The following ZNF462 variants were observed in gnomAD, a reference collection of about 807,000 sequenced individuals.
ZNF462 encodes the protein zinc finger protein 462, also known as zinc finger PBX1-interacting protein.
ZNF462 carries 10 observed loss-of-function variants against 201.9 expected under a neutral mutation model. The ratio of observed to expected loss-of-function variants is 0.05; its 90% CI spans 0.03 to 0.08. The LOEUF is 0.08. ZNF462 is among the 10% of genes least tolerant of loss of function. ZNF462 has a pLI of 1.00. For missense variants in ZNF462, 2,523 were observed against 3,168.3 expected, an observed-to-expected ratio of 0.80 and a Z score of 4.89; for synonymous variants, 1,227 against 1,193.3, an observed-to-expected ratio of 1.03 and a Z score of -0.58.
In ZNF462 at chr9:106,925,683, C is replaced by T; in HGVS notation, c.1771C>T (p.Pro591Ser). 1 of 1,614,146 alleles carries T rather than the reference C, an allele frequency of 6.2e-7. No homozygotes were observed. Among genetic ancestry groups the T allele is most frequent in the South Asian group, 1.1e-5 (1 of 91,076 alleles). The change falls in exon 3 of 13, where the codon CCC becomes TCC. Residue 591 changes from proline to serine, a missense_variant. Around this residue, in one of 15 missense-constraint regions of ZNF462, gnomAD observed 383 missense variants for 453.4 expected, o/e 0.84. Transcript: ENST00000277225. The surrounding 1 kb of genome is among the most constrained non-coding windows in gnomAD (Gnocchi z 7.9). ...ACCACCAACGCAGCAGCCACAGCCA[C>T]CCACACAAGCCGCACCTCTGCACCC... ...QPPPTQQPQP[P>S]TQAAPLHPYK...
In ZNF462 at chr9:107,012,439, C is replaced by CTTTTTTTTTTTTTTT. The variant is rs962253808; in HGVS notation, c.*1420_*1434dup. On this transcript the variant is annotated 3_prime_UTR_variant, in exon 13 of 13. Coordinates refer to ENST00000277225, the MANE Select transcript of ZNF462 (RefSeq NM_021224.6). Reference sequence around the variant, plus strand: ...GCCTGGAGAACTACTTTCTTTCTTTCTTTTTTTTTTTTTTTTTTTTTTTTT... The same window carrying CTTTTTTTTTTTTTTT: ...GCCTGGAGAACTACTTTCTTTCTTTCTTTTTTTTTTTTTTTTTTTTTTTTTTTTTTTTTTTTTTTT... 1.2e-5 allele frequency: 1 copy of CTTTTTTTTTTTTTTT among 86,312 alleles called. No homozygotes were observed. Among genetic ancestry groups the CTTTTTTTTTTTTTTT allele is most frequent in the African/African-American group, 4.3e-5 (1 of 23,494 alleles). 5.3% of individuals were successfully genotyped at this position (86,312 alleles called of 1,614,324 possible).
intron 1 of ZNF462, among the ~76,000 whole-genome samples, chr9:106,910,362 G>GTTTTTTTTT (rs1011376719): frequency 1.1e-4 from 7 of 64,782 alleles, no homozygotes; most frequent in African/African-American, 2.5e-4. Flanking sequence ...CCTTGTTTTA[G>GTTTTTTTTT]TTTTTTTTTT....
intron 1 of ZNF462, among the ~76,000 whole-genome samples, chr9:106,874,657 G>A (rs561181011): frequency 7.9e-5 from 12 of 152,290 alleles, no homozygotes; most frequent in South Asian, 4.1e-4. Flanking sequence ...AAAATAGCAC[G>A]TATTTAAGGA....
At chr9:106,965,616 A>G (rs1832038430) in intron 7 of ZNF462, among the ~76,000 whole-genome samples, 1 of 151,280 alleles carries the variant, frequency 6.6e-6, no homozygotes, top group Non-Finnish European at 1.5e-5. Context: ...GCTCAAACAA[A>G]GTGGTGGGCC....
rs941264645 is a variant in ZNF462, at chr9:106,974,054, A to G, written c.6696-83A>G. 2.9e-5 allele frequency: 46 copies of G among 1,574,312 alleles called. No individual in the cohort carries two copies. Among genetic ancestry groups the G allele is most frequent in the African/African-American group, 2.8e-4 (21 of 74,004 alleles). Reference sequence around the variant, plus strand: ...GCAGGAGAGCCGCACTTGGACATATATAACGGGTTTGCCAGCAGGAAATGT... The same window carrying G: ...GCAGGAGAGCCGCACTTGGACATATGTAACGGGTTTGCCAGCAGGAAATGT... On this transcript the variant is annotated intron_variant, in intron 8 of 12. Transcript: ENST00000277225. This position sits in a 1 kb window ranked among gnomAD's most constrained non-coding sequence, Gnocchi z 4.0.
intron 1 of ZNF462, among the ~76,000 whole-genome samples, chr9:106,896,255 C>T (rs757372826): frequency 6.6e-6 from 1 of 152,170 alleles, no homozygotes; most frequent in Non-Finnish European, 1.5e-5. Context: ...ACGTAGTAGG[C>T]ACTCAAATGT....
In ZNF462 at chr9:106,926,981, G is replaced by A; in HGVS notation, c.3069G>A (p.Leu1023=). The A allele has an allele frequency of 1.2e-6, 2 of 1,614,162 alleles. No individual in the cohort carries two copies. Among genetic ancestry groups the A allele is most frequent in the Non-Finnish European group, 1.7e-6 (2 of 1,180,034 alleles). The change falls in exon 3 of 13, where the codon TTG becomes TTA. Residue 1023 remains leucine (L), a synonymous_variant. Transcript: ENST00000277225. The surrounding 1 kb of genome is among the most constrained non-coding windows in gnomAD (Gnocchi z 7.9). ...TPECENQKDP[L]VNTVVVYDCD... ...AATGTGAAAATCAGAAGGACCCTTT[G>A]GTCAACACTGTTGTTGTTTATGATT...
intron 7 of ZNF462, among the ~76,000 whole-genome samples, chr9:106,939,577 G>A (rs2131622987): frequency 6.6e-6 from 1 of 152,206 alleles, no homozygotes; most frequent in East Asian, 1.9e-4. Flanking sequence ...GTCTGACTGA[G>A]CCACGTGATA....
Position 106,920,087 on chromosome 9 carries a change from C to G in ZNF462, c.-30-3267C>G, listed in dbSNP as rs193014436. Among the ~76,000 whole-genome samples, 2 of 151,492 alleles carry G rather than the reference C, an allele frequency of 1.3e-5. No homozygotes were observed. The highest frequency in any genetic ancestry group is 6.6e-5 in the Admixed American group (1 of 15,244). Reference sequence around the variant, plus strand: ...AGCAGATCAGTGACTAGGTTAGCCTCTTAGGGTTGCTGCTCTTCGGGATTG... The same window carrying G: ...AGCAGATCAGTGACTAGGTTAGCCTGTTAGGGTTGCTGCTCTTCGGGATTG... On this transcript the variant is annotated intron_variant, in intron 1 of 12. Coordinates refer to ENST00000277225, the MANE Select transcript of ZNF462 (RefSeq NM_021224.6). The surrounding 1 kb of genome is among the most constrained non-coding windows in gnomAD (Gnocchi z 4.3).
chr9:106,955,361 T>TA (rs942071822), intron 7 of ZNF462, among the ~76,000 whole-genome samples: 1 of 152,158 alleles, frequency 6.6e-6, no homozygotes, highest in African/African-American at 2.4e-5. Context: ...GCATTATGTC[T>TA]AAAAAATGTA....
chr9:106,922,884 A>G (rs572094831), intron 1 of ZNF462, among the ~76,000 whole-genome samples: 1 of 152,314 alleles, frequency 6.6e-6, no homozygotes, highest in African/African-American at 2.4e-5. Context: ...GTGATAAAAC[A>G]CCAAGGTCAT....
Position 106,972,349 on chromosome 9 carries a change from A to T in ZNF462, c.6695+77A>T. On this transcript the variant is annotated intron_variant, in intron 8 of 12. Transcript: ENST00000277225. The surrounding 1 kb of genome is among the most constrained non-coding windows in gnomAD (Gnocchi z 4.8). ...ACCCCTCACTGCAGGCTTCCCTTACACTTTCCTACTTGGAGCTTATGGGAG... is the reference window on the plus strand; with the variant it reads ...ACCCCTCACTGCAGGCTTCCCTTACTCTTTCCTACTTGGAGCTTATGGGAG... The T allele has an allele frequency of 6.5e-7, 1 of 1,539,840 alleles. No individual in the cohort carries two copies. The highest frequency in any genetic ancestry group is 8.7e-7 in the Non-Finnish European group (1 of 1,143,882).
chr9:106,911,908 A>G (rs1309053769), intron 1 of ZNF462, among the ~76,000 whole-genome samples: 1 of 152,232 alleles, frequency 6.6e-6, no homozygotes, highest in African/African-American at 2.4e-5. Context: ...AAATTAATAT[A>G]TTAGTAAAGA....
In ZNF462 at chr9:106,983,388, C is replaced by T. The variant is rs142779888; in HGVS notation, c.6833-798C>T. 2.0e-3 allele frequency among the ~76,000 whole-genome samples: 298 copies of T among 152,270 alleles called. 4 individuals carry two copies. The highest frequency in any genetic ancestry group is 0.015 in the Admixed American group (234 of 15,292). ...CCCCACCTCCCCCGATTGTTGCCTG[C>T]AGTCATTTCATTTGTGAGCTCTTCA... On this transcript the variant is annotated intron_variant, in intron 9 of 12. Coordinates refer to ENST00000277225, the MANE Select transcript of ZNF462 (RefSeq NM_021224.6).
chr9:106,867,150 T>C (rs149916490), intron 1 of ZNF462, among the ~76,000 whole-genome samples: 2,416 of 152,318 alleles, frequency 0.016, 24 homozygotes, highest in Non-Finnish European at 0.024. Context: ...CACATCCATC[T>C]CTGATGCCCT....
Position 106,968,917 on chromosome 9 carries a change from C to T in ZNF462, c.6428-3088C>T, listed in dbSNP as rs1393660175. Among the ~76,000 whole-genome samples the T allele has an allele frequency of 3.9e-5, 6 of 152,168 alleles. No individual in the cohort carries two copies. Among genetic ancestry groups the T allele is most frequent in the African/African-American group, 1.4e-4 (6 of 41,440 alleles). The stretch of plus-strand genomic sequence containing the variant: ...TCTAACCTGGGCACAGAACGACCTC[C>T]TTCCTGCTCTTCAGGCCATGCTTCA... On this transcript the variant is annotated intron_variant, in intron 7 of 12. Transcript: ENST00000277225. The surrounding 1 kb of genome is among the most constrained non-coding windows in gnomAD (Gnocchi z 4.0).
In ZNF462 at chr9:106,928,358, G is replaced by C; in HGVS notation, c.4446G>C (p.Leu1482Phe). 1 of 1,614,140 alleles carries C rather than the reference G, an allele frequency of 6.2e-7. No individual in the cohort carries two copies. Among genetic ancestry groups the C allele is most frequent in the Non-Finnish European group, 8.5e-7 (1 of 1,180,038 alleles). Residue 1482 changes from leucine to phenylalanine, a missense_variant, in exon 3 of 13, where the codon TTG becomes TTC. By Grantham distance (22) the Leu-to-Phe change is conservative. Coordinates refer to ENST00000277225, the MANE Select transcript of ZNF462 (RefSeq NM_021224.6). This position sits in a 1 kb window ranked among gnomAD's most constrained non-coding sequence, Gnocchi z 9.3. Reference protein sequence around the residue: ...CTVCQSEYNNLHGLLTHYGKK... With the variant: ...CTVCQSEYNNFHGLLTHYGKK... The stretch of plus-strand genomic sequence containing the variant: ...TATGCCAATCTGAGTATAACAACTT[G>C]CACGGCCTTCTCACTCATTATGGGA...
In ZNF462 at chr9:106,978,923, C is replaced by T; in HGVS notation, c.6832+4650C>T. ...TATAATTGGTCCTGATGGCTTCTACCAGCTTAGCCAAAGCGCCTTTGTCTT... is the reference window on the plus strand; with the variant it reads ...TATAATTGGTCCTGATGGCTTCTACTAGCTTAGCCAAAGCGCCTTTGTCTT... On this transcript the variant is annotated intron_variant, in intron 9 of 12. Transcript: ENST00000277225. The surrounding 1 kb of genome is among the most constrained non-coding windows in gnomAD (Gnocchi z 4.1). 1 of 321,610 alleles carries T rather than the reference C, an allele frequency of 3.1e-6. No individual in the cohort carries two copies. The highest frequency in any genetic ancestry group is 6.0e-6 in the Non-Finnish European group (1 of 166,916). The allele number at this position is 321,610 out of a possible 1,614,324, so 19.9% of individuals were successfully genotyped here.
intron 4 of ZNF462, among the ~76,000 whole-genome samples, chr9:106,931,291 GCCACC>G (rs1564113068): frequency 6.6e-6 from 1 of 151,990 alleles, no homozygotes; most frequent in Non-Finnish European, 1.5e-5. Context: ...CTTTTATTAG[GCCACC>G]TGTTTTGAAC....
Sources: allele counts gnomAD v4.1 joint callset (sites outside exome capture counted in the v4.1 genomes callset), GRCh38; gene constraint gnomAD v4.1.1; regional missense constraint gnomAD v4.1.1; non-coding constraint Gnocchi (gnomAD v3.1); transcripts MANE v1.5; gene names NCBI Gene and HGNC (gene_info 2026-07-23, HGNC 2026-07-21).